CTNNA2: variants seen among roughly 807,000 people sequenced by gnomAD.
CTNNA2 encodes catenin alpha-2.
Under a neutral mutation model 101.0 loss-of-function variants are expected in CTNNA2, and 42 were observed. The observed-to-expected ratio is 0.42, with a 90% CI of 0.32 to 0.54. CTNNA2 has a LOEUF of 0.54. Among genes scored for constraint, CTNNA2 ranks in the 20% least tolerant of loss-of-function variants. The probability of loss-of-function intolerance (pLI) is 0.14; values close to 1 mark genes in which losing one functional copy is unlikely to be tolerated. For missense variants in CTNNA2, 871 were observed against 1,223.1 expected (o/e 0.71, Z 4.29); for synonymous variants, 450 against 456.4 (o/e 0.99, Z 0.18).
At chr2:80,001,678 GC>G (rs1263111004) in intron 7 of CTNNA2, among the ~76,000 whole-genome samples, 1 of 152,140 alleles carries the variant, frequency 6.6e-6, no homozygotes, top group Non-Finnish European at 1.5e-5. Flanking sequence ...TGAGCAATTT[GC>G]AGACTGAATT....
rs1574459376 is a variant in CTNNA2, at chr2:79,979,456, C to T, written c.1056+69659C>T. On this transcript the variant is annotated intron_variant, in intron 7 of 18. Coordinates refer to ENST00000402739, the MANE Select transcript of CTNNA2 (RefSeq NM_001282597.3). Reference sequence around the variant, plus strand: ...GATTTAGAACATCATTTCGGTGTCCCAGCACAGAACCCAACATTCTTGATT... The same window carrying T: ...GATTTAGAACATCATTTCGGTGTCCTAGCACAGAACCCAACATTCTTGATT... 3.3e-5 allele frequency among the ~76,000 whole-genome samples: 5 copies of T among 152,192 alleles called. No homozygotes were observed. In the East Asian group the frequency reaches 7.8e-4, roughly 24 times the overall value.
intron 2 of CTNNA2, among the ~76,000 whole-genome samples, chr2:79,258,537 CT>C (rs1674876891): frequency 6.6e-6 from 1 of 152,110 alleles, no homozygotes; most frequent in Non-Finnish European, 1.5e-5. Context: ...ACAGATAAGA[CT>C]GGAAATCTCA....
At chr2:79,662,721 AAGT>A (rs1161642182) in intron 2 of CTNNA2, among the ~76,000 whole-genome samples, 1 of 152,184 alleles carries the variant, frequency 6.6e-6, no homozygotes, top group African/African-American at 2.4e-5. Flanking sequence ...ATCCGATTGA[AAGT>A]AGGAAAGGTA....
intron 7 of CTNNA2, among the ~76,000 whole-genome samples, chr2:80,085,053 A>G (rs964679170): frequency 6.6e-6 from 1 of 152,066 alleles, no homozygotes; most frequent in Admixed American, 6.5e-5. Flanking sequence ...TAGAAGAGGA[A>G]CTCAGATATC....
At chr2:80,518,277 G>A (rs1434381300) in intron 9 of CTNNA2, among the ~76,000 whole-genome samples, 1 of 152,114 alleles carries the variant, frequency 6.6e-6, no homozygotes, top group Non-Finnish European at 1.5e-5. Flanking sequence ...TGGAATAATT[G>A]GATCAGTCTG....
At chr2:79,895,260 A>G (rs1684623009) in intron 6 of CTNNA2, among the ~76,000 whole-genome samples, 1 of 152,208 alleles carries the variant, frequency 6.6e-6, no homozygotes, top group Admixed American at 6.5e-5. Flanking sequence ...CCTGTGAGAC[A>G]AAAACTGTTT....
intron 18 of CTNNA2, among the ~76,000 whole-genome samples, chr2:80,632,949 C>T (rs1672456126): frequency 6.6e-6 from 1 of 152,134 alleles, no homozygotes; most frequent in Non-Finnish European, 1.5e-5. Context: ...TACAGAGTGT[C>T]CAAACTTTCA....
At chr2:80,387,964 G>A (rs1677166336) in intron 7 of CTNNA2, among the ~76,000 whole-genome samples, 1 of 152,202 alleles carries the variant, frequency 6.6e-6, no homozygotes, top group Admixed American at 6.5e-5. Flanking sequence ...AAATGGCTAT[G>A]TCTATTGCAC....
At chr2:79,899,488 A>G (rs1462684861) in intron 6 of CTNNA2, among the ~76,000 whole-genome samples, 1 of 152,188 alleles carries the variant, frequency 6.6e-6, no homozygotes, top group Non-Finnish European at 1.5e-5. Context: ...CGCCCAGTTT[A>G]TTCATTTGCT....
At chr2:80,227,583 C>G (rs888653383) in intron 7 of CTNNA2, among the ~76,000 whole-genome samples, 12 of 152,142 alleles carry the variant, frequency 7.9e-5, no homozygotes, top group African/African-American at 2.7e-4. Context: ...CTCTTTCTGT[C>G]CATGGATGTG....
At chr2:79,825,520 T>C (rs1259101720) in intron 3 of CTNNA2, among the ~76,000 whole-genome samples, 2 of 151,796 alleles carry the variant, frequency 1.3e-5, no homozygotes, top group African/African-American at 4.8e-5. Context: ...CTAAAGGGGA[T>C]AGTGTTGCCA....
At chr2:80,020,261 C>T (rs573460779) in intron 7 of CTNNA2, among the ~76,000 whole-genome samples, 15 of 152,320 alleles carry the variant, frequency 9.8e-5, no homozygotes, top group African/African-American at 3.6e-4. Context: ...GGAATGGAGT[C>T]TGTTTCATGC....
intron 1 of CTNNA2, among the ~76,000 whole-genome samples, chr2:79,637,703 T>C (rs910032190): frequency 1.3e-5 from 2 of 152,186 alleles, no homozygotes; most frequent in Non-Finnish European, 2.9e-5. Flanking sequence ...TTCTGTGAAG[T>C]TTCTTAAAGT....
At chr2:79,214,830 C>CTT (rs1366116203) in intron 2 of CTNNA2, among the ~76,000 whole-genome samples, 1 of 151,302 alleles carries the variant, frequency 6.6e-6, no homozygotes, top group Non-Finnish European at 1.5e-5. Context: ...AAAAAGAGTG[C>CTT]ATAAAAGTAT....
chr2:80,509,833 G>C (rs1314355586), intron 9 of CTNNA2, among the ~76,000 whole-genome samples: 1 of 152,126 alleles, frequency 6.6e-6, no homozygotes, highest in East Asian at 1.9e-4. Context: ...GGAACGCAGG[G>C]CTCCTGTCCT....
At chr2:79,826,884 G>A (rs973768100) in intron 3 of CTNNA2, among the ~76,000 whole-genome samples, 4 of 152,112 alleles carry the variant, frequency 2.6e-5, no homozygotes, top group African/African-American at 4.8e-5. Flanking sequence ...GATCACATCC[G>A]GACTCAGGAA....
At chr2:80,588,721 G>A (rs1481434250) in intron 14 of CTNNA2, among the ~76,000 whole-genome samples, 1 of 152,140 alleles carries the variant, frequency 6.6e-6, no homozygotes, top group Non-Finnish European at 1.5e-5. Flanking sequence ...CCCTAAAGGA[G>A]ATGGGGGAGG....
chr2:80,168,956 C>G (rs1704872828), intron 7 of CTNNA2, among the ~76,000 whole-genome samples: 1 of 152,184 alleles, frequency 6.6e-6, no homozygotes, highest in Non-Finnish European at 1.5e-5. Flanking sequence ...AAGAGGAGCA[C>G]CTATCCTAAG....
At chr2:80,596,379 G>C (rs1356576838) in intron 15 of CTNNA2, among the ~76,000 whole-genome samples, 1 of 127,692 alleles carries the variant, frequency 7.8e-6, no homozygotes, top group Non-Finnish European at 1.6e-5. Flanking sequence ...GCGTGATCTC[G>C]GCTCACTGCA....
Sources: allele counts gnomAD v4.1 joint callset (sites outside exome capture counted in the v4.1 genomes callset), GRCh38; gene constraint gnomAD v4.1.1; transcripts MANE v1.5; gene names NCBI Gene and HGNC (gene_info 2026-07-23, HGNC 2026-07-21).